The following PRKD1 variants were observed in gnomAD, a reference collection of about 807,000 sequenced individuals.
PRKD1 encodes the protein protein kinase D1.
PRKD1 carries 63 observed loss-of-function variants against 95.9 expected under a neutral mutation model. That is an observed-to-expected ratio of 0.66 (90% CI 0.54 to 0.81). The LOEUF (loss-of-function observed/expected upper bound fraction) is 0.81, where lower values mean the gene tolerates loss of function less well. PRKD1 is among the 30% of genes least tolerant of loss of function. The pLI is 0.00. For synonymous variants in PRKD1, 425 were observed against 423.1 expected (o/e 1.00, Z -0.05); for missense variants, 1,048 against 1,165.3 (o/e 0.90, Z 1.47).
intron 1 of PRKD1, among the ~76,000 whole-genome samples, chr14:29,753,330 G>C (rs1476652509): frequency 6.6e-6 from 1 of 152,052 alleles, no homozygotes; most frequent in African/African-American, 2.4e-5. Flanking sequence ...AACTTAAGTA[G>C]CTGCTTATTT....
chr14:29,709,756 T>C (rs1036989229), intron 2 of PRKD1, among the ~76,000 whole-genome samples: 4 of 152,156 alleles, frequency 2.6e-5, no homozygotes, highest in Non-Finnish European at 5.9e-5. Context: ...TTTTATTCTA[T>C]TCAGGCCTTC....
At chr14:29,885,116 C>T (rs898975985) in intron 1 of PRKD1, among the ~76,000 whole-genome samples, 3 of 123,672 alleles carry the variant, frequency 2.4e-5, no homozygotes, top group African/African-American at 1.1e-4. Context: ...GAGCGAGACT[C>T]CATCTTTTAA....
At chr14:29,887,688 C>T (rs1232100815) in intron 1 of PRKD1, among the ~76,000 whole-genome samples, 2 of 152,144 alleles carry the variant, frequency 1.3e-5, no homozygotes, top group African/African-American at 4.8e-5. Context: ...TATTGTAATA[C>T]CCTATTTTAA....
At chr14:29,792,982 T>C (rs1054991904) in intron 1 of PRKD1, among the ~76,000 whole-genome samples, 1 of 152,006 alleles carries the variant, frequency 6.6e-6, no homozygotes, top group African/African-American at 2.4e-5. Flanking sequence ...GGAAATGTAA[T>C]GGCAAAATAG....
intron 2 of PRKD1, among the ~76,000 whole-genome samples, chr14:29,672,429 A>C (rs1021196560): frequency 6.6e-6 from 1 of 152,086 alleles, no homozygotes; most frequent in Non-Finnish European, 1.5e-5. Context: ...ACTTGAAACA[A>C]TATTTCCTCT....
chr14:29,669,043 C>T (rs1231442523), intron 2 of PRKD1, among the ~76,000 whole-genome samples: 4 of 152,088 alleles, frequency 2.6e-5, no homozygotes, highest in African/African-American at 9.7e-5. Context: ...ATAAGCTGCA[C>T]CTTTATTTTA....
At chr14:29,656,948 G>T (rs1222234247) in intron 4 of PRKD1, among the ~76,000 whole-genome samples, 1 of 152,128 alleles carries the variant, frequency 6.6e-6, no homozygotes, top group Non-Finnish European at 1.5e-5. Flanking sequence ...GTAATCAAAT[G>T]ATACAAAGTT....
At chr14:29,699,380 C>T (rs3783305) in intron 2 of PRKD1, among the ~76,000 whole-genome samples, 78,852 of 151,980 alleles carry the variant, frequency 0.52, 23,062 homozygotes, top group African/African-American at 0.8. Context: ...TTAATTTGCA[C>T]TTTGTAGATT....
At chr14:29,640,594 A>G (rs1006198790) in intron 4 of PRKD1, among the ~76,000 whole-genome samples, 16 of 152,366 alleles carry the variant, frequency 1.1e-4, no homozygotes, top group African/African-American at 3.8e-4. Flanking sequence ...AACCAGAATC[A>G]TGAATATATT....
intron 2 of PRKD1, among the ~76,000 whole-genome samples, chr14:29,670,775 A>C (rs561093877): frequency 6.6e-6 from 1 of 152,182 alleles, no homozygotes; most frequent in Non-Finnish European, 1.5e-5. Flanking sequence ...AGTCTCTCCA[A>C]GCCAGTTTTA....
chr14:29,707,185 G>A (rs369247134), intron 2 of PRKD1, among the ~76,000 whole-genome samples: 1 of 152,156 alleles, frequency 6.6e-6, no homozygotes, highest in African/African-American at 2.4e-5. Context: ...GCTATTGAAG[G>A]GTTTTATATA....
intron 16 of PRKD1, among the ~76,000 whole-genome samples, chr14:29,588,485 C>G (rs1893011867): frequency 6.6e-6 from 1 of 152,066 alleles, no homozygotes; most frequent in African/African-American, 2.4e-5. Flanking sequence ...AATTTAGATG[C>G]CTTGATAAAT....
chr14:29,607,630 G>A (rs1017285424), intron 13 of PRKD1, among the ~76,000 whole-genome samples: 4 of 152,118 alleles, frequency 2.6e-5, no homozygotes, highest in African/African-American at 9.7e-5. Context: ...CAGCTACTGC[G>A]TGTGGAGTCC....
chr14:29,598,092 T>C (rs558994599), intron 15 of PRKD1, among the ~76,000 whole-genome samples: 3 of 151,338 alleles, frequency 2.0e-5, no homozygotes, highest in East Asian at 3.9e-4. Context: ...TCTAGGCACA[T>C]AGTGAGACCC....
chr14:29,871,309 G>A (rs1893097819), intron 1 of PRKD1, among the ~76,000 whole-genome samples: 1 of 152,162 alleles, frequency 6.6e-6, no homozygotes, highest in African/African-American at 2.4e-5. Flanking sequence ...AACTACAAAA[G>A]TGATAATATA....
At chr14:29,900,720 CA>C (rs950065544) in intron 1 of PRKD1, among the ~76,000 whole-genome samples, 30 of 152,104 alleles carry the variant, frequency 2.0e-4, no homozygotes, top group South Asian at 2.1e-4. Context: ...CAACAACAAA[CA>C]TAAGAAAAAA....
Position 29,747,075 on chromosome 14 carries a change from T to A in PRKD1, c.265-21401A>T, listed in dbSNP as rs576311297. ...ATTAAAAATTTACAAATCCTTAGGA[T>A]GTTCCTAACCCAAAGAAATGATATA... On this transcript the variant is annotated intron_variant, in intron 1 of 17. Transcript: ENST00000331968. Among the ~76,000 whole-genome samples the A allele has an allele frequency of 8.5e-5, 13 of 152,312 alleles. No homozygotes were observed. The East Asian group carries it at 2.3e-3, about 27-fold the overall frequency.
intron 1 of PRKD1, among the ~76,000 whole-genome samples, chr14:29,859,190 A>C (rs1892614284): frequency 6.6e-6 from 1 of 152,230 alleles, no homozygotes. Flanking sequence ...TCTGACAGTA[A>C]GCTGGGCGCC....
intron 2 of PRKD1, among the ~76,000 whole-genome samples, chr14:29,700,809 C>G (rs912951729): frequency 6.6e-6 from 1 of 152,106 alleles, no homozygotes; most frequent in African/African-American, 2.4e-5. Flanking sequence ...ATTCTGTCAG[C>G]AGACTTGGGA....
Sources: gnomAD v4.1 joint callset for allele counts (sites outside exome capture counted in the v4.1 genomes callset) on GRCh38, gnomAD v4.1.1 for gene constraint, MANE v1.5 for transcripts, NCBI Gene and HGNC (gene_info 2026-07-23, HGNC 2026-07-21) for gene names.